The following CNIH3 variants were observed in gnomAD, a reference collection of about 807,000 sequenced individuals.
CNIH3 encodes protein cornichon homolog 3.
CNIH3 carries 14 observed loss-of-function variants against 24.1 expected under a neutral mutation model. The observed-to-expected ratio is 0.58, with a 90% CI of 0.38 to 0.91. The LOEUF (loss-of-function observed/expected upper bound fraction) is 0.91. Among genes scored for constraint, CNIH3 ranks in the 40% least tolerant of loss-of-function variants. The pLI is 0.00. For missense variants in CNIH3, 178 were observed against 196.8 expected (o/e 0.90, Z 0.57); for synonymous variants, 68 against 73.8 (o/e 0.92, Z 0.40).
At chr1:224,617,716 C>T (rs1029589722) in intron 1 of CNIH3, among the ~76,000 whole-genome samples, 2 of 152,142 alleles carry the variant, frequency 1.3e-5, no homozygotes, top group Non-Finnish European at 2.9e-5. Flanking sequence ...ACGACGGGAG[C>T]GCCTTGTAAG....
intron 4 of CNIH3, among the ~76,000 whole-genome samples, chr1:224,577,434 A>G (rs1681082078): frequency 6.6e-6 from 1 of 152,186 alleles, no homozygotes; most frequent in Non-Finnish European, 1.5e-5. Flanking sequence ...ATATATATAT[A>G]CTAATGCCCA....
chr1:224,684,421 C>G lies in CNIH3; in HGVS notation c.151-375C>G, dbSNP rs752339695. Among the ~76,000 whole-genome samples, 2 of 152,158 alleles carry G rather than the reference C, an allele frequency of 1.3e-5. No individual in the cohort carries two copies. The highest frequency in any genetic ancestry group is 6.5e-5 in the Admixed American group (1 of 15,280). Reference sequence around the variant, plus strand: ...AAGTGGGAAGGCCTCCTGGGAGGGCCGGCTGCAGGCTTTAGGATGCTCCAT... The same window carrying G: ...AAGTGGGAAGGCCTCCTGGGAGGGCGGGCTGCAGGCTTTAGGATGCTCCAT... On this transcript the variant is annotated intron_variant, in intron 2 of 5. Coordinates refer to ENST00000272133, the MANE Select transcript of CNIH3 (RefSeq NM_152495.2). The surrounding 1 kb of genome is among the most constrained non-coding windows in gnomAD (Gnocchi z 4.2).
upstream of CNIH3, among the ~76,000 whole-genome samples, chr1:224,613,292 T>C (rs1682785891): frequency 6.6e-6 from 1 of 152,180 alleles, no homozygotes; most frequent in Non-Finnish European, 1.5e-5. Context: ...TGAGCCACAG[T>C]GCCTGACCTC....
At chr1:224,447,433 G>C (rs1675214496) in intron 1 of CNIH3, among the ~76,000 whole-genome samples, 2 of 152,164 alleles carry the variant, frequency 1.3e-5, no homozygotes, top group East Asian at 3.8e-4. Context: ...CAGCCAGTTG[G>C]ATGGTGCCCG....
chr1:224,514,605 C>T (rs557721277), upstream of CNIH3, among the ~76,000 whole-genome samples: 9 of 152,176 alleles, frequency 5.9e-5, no homozygotes, highest in South Asian at 4.2e-4. Context: ...CTGAGGTGGG[C>T]GGATCACTTG....
chr1:224,487,218 A>G (rs1331736573), intron 1 of CNIH3, among the ~76,000 whole-genome samples: 1 of 152,234 alleles, frequency 6.6e-6, no homozygotes, highest in Admixed American at 6.5e-5. Context: ...ATCATATTTG[A>G]GGTGAGCCTA....
At chr1:224,634,181 G>A (rs1365643151) in intron 1 of CNIH3, among the ~76,000 whole-genome samples, 4 of 152,202 alleles carry the variant, frequency 2.6e-5, no homozygotes, top group Non-Finnish European at 4.4e-5. Flanking sequence ...GCACGTGTTC[G>A]TCCTTCTGAG....
At chr1:224,723,504 A>T (rs1688851903) in intron 3 of CNIH3, among the ~76,000 whole-genome samples, 1 of 152,158 alleles carries the variant, frequency 6.6e-6, no homozygotes. Context: ...GGGATGGAAA[A>T]GTGGGAGGCC....
chr1:224,724,583 G>T (rs1688918900), intron 3 of CNIH3, among the ~76,000 whole-genome samples: 1 of 152,172 alleles, frequency 6.6e-6, no homozygotes, highest in Non-Finnish European at 1.5e-5. Context: ...ATGGGCTGAG[G>T]AATCAAATAA....
chr1:224,557,138 C>T (rs1680170969), intron 3 of CNIH3, among the ~76,000 whole-genome samples: 2 of 152,076 alleles, frequency 1.3e-5, no homozygotes, highest in African/African-American at 4.8e-5. Context: ...AACTCTCAGG[C>T]TCAAGTGATC....
At chr1:224,601,118 A>C (rs1028460885) in intron 3 of CNIH3, among the ~76,000 whole-genome samples, 11 of 152,218 alleles carry the variant, frequency 7.2e-5, no homozygotes, top group Non-Finnish European at 1.6e-4. Context: ...CACTTGGAAG[A>C]GGCCCAAGCG....
intron 1 of CNIH3, among the ~76,000 whole-genome samples, chr1:224,437,536 C>A: frequency 6.6e-6 from 1 of 152,158 alleles, no homozygotes; most frequent in Non-Finnish European, 1.5e-5. Context: ...TGTATAAATT[C>A]CTTGAGGGCA....
intron 3 of CNIH3, among the ~76,000 whole-genome samples, chr1:224,603,747 C>T (rs527334633): frequency 6.6e-5 from 10 of 152,000 alleles, no homozygotes; most frequent in Non-Finnish European, 1.5e-4. Flanking sequence ...TTTGTACTGA[C>T]GCTTGCACGG....
At chr1:224,695,012 C>CA (rs200951862) in intron 3 of CNIH3, among the ~76,000 whole-genome samples, 3,900 of 152,204 alleles carry the variant, frequency 0.026, 154 homozygotes, top group African/African-American at 0.076. Flanking sequence ...ATGGGTGCAC[C>CA]AAAATCTCAG....
Position 224,703,131 on chromosome 1 carries a change from C to A in CNIH3, c.198+18288C>A, listed in dbSNP as rs1687592281. On this transcript the variant is annotated intron_variant, in intron 3 of 5. Coordinates refer to ENST00000272133, the MANE Select transcript of CNIH3 (RefSeq NM_152495.2). The surrounding 1 kb of genome is among the most constrained non-coding windows in gnomAD (Gnocchi z 4.2). ...AGAGCAGGAAACACTTCTGACCTCT[C>A]AAGGTCCATCTGTCCTGGCTGGTCA... Among the ~76,000 whole-genome samples, 1 of 152,170 alleles carries A rather than the reference C, an allele frequency of 6.6e-6. No individual in the cohort carries two copies. Among genetic ancestry groups the A allele is most frequent in the African/African-American group, 2.4e-5 (1 of 41,432 alleles).
At chr1:224,632,136 C>T (rs1163507217) in intron 1 of CNIH3, among the ~76,000 whole-genome samples, 2 of 150,142 alleles carry the variant, frequency 1.3e-5, no homozygotes, top group African/African-American at 4.9e-5. Context: ...CACTGCCCTG[C>T]GTTGTCCATA....
downstream of CNIH3, among the ~76,000 whole-genome samples, chr1:224,590,792 C>A (rs919437517): frequency 6.6e-6 from 1 of 151,984 alleles, no homozygotes; most frequent in East Asian, 1.9e-4. Flanking sequence ...TGCTTTTGGC[C>A]CTTCTTCCCC....
At chr1:224,491,854 C>T (rs545155825) in intron 1 of CNIH3, among the ~76,000 whole-genome samples, 13 of 152,284 alleles carry the variant, frequency 8.5e-5, no homozygotes, top group African/African-American at 2.9e-4. Flanking sequence ...GTGACTCTCC[C>T]ACCTCGGCCT....
chr1:224,634,970 G>A (rs1396914973), intron 1 of CNIH3, among the ~76,000 whole-genome samples: 1 of 152,188 alleles, frequency 6.6e-6, no homozygotes, highest in Non-Finnish European at 1.5e-5. Context: ...GGCAGCATCC[G>A]TTGTCTCACA....
Sources: allele counts gnomAD v4.1 joint callset (sites outside exome capture counted in the v4.1 genomes callset), GRCh38; gene constraint gnomAD v4.1.1; non-coding constraint Gnocchi (gnomAD v3.1); transcripts MANE v1.5; gene names NCBI Gene and HGNC (gene_info 2026-07-23, HGNC 2026-07-21).